The following AIRE variants were observed in gnomAD, a reference collection of about 807,000 sequenced individuals.
The protein encoded by AIRE is autoimmune polyendocrinopathy candidiasis ectodermal dystrophy protein.
In AIRE, 52 loss-of-function variants were observed where a neutral mutation model predicts 62.1. The ratio of observed to expected loss-of-function variants is 0.84; its 90% CI spans 0.67 to 1.06. The LOEUF (loss-of-function observed/expected upper bound fraction) is 1.06, where lower values mean the gene tolerates loss of function less well. AIRE is among the 50% of genes least tolerant of loss of function. The pLI, the probability that AIRE is intolerant of heterozygous loss-of-function variation, is 0.00. For synonymous variants in AIRE, 342 were observed against 321.6 expected (o/e 1.06, Z -0.68); for missense variants, 774 against 755.8 (o/e 1.02, Z -0.28).
In AIRE at chr21:44,289,985, C is replaced by A. The variant is rs2040519625; in HGVS notation, c.799-3C>A. ...CCATTGCTGACGCCCCTCTTCCTTG[C>A]AGGGTGGAGGTGAGGCTAGGCTGGG... On this transcript the variant is annotated splice_region_variant and splice_polypyrimidine_tract_variant and intron_variant, in intron 6 of 13. Transcript: ENST00000291582. 6.2e-7 allele frequency: 1 copy of A among 1,610,744 alleles called. No individual in the cohort carries two copies. The highest frequency in any genetic ancestry group is 8.5e-7 in the Non-Finnish European group (1 of 1,179,152).
rs2146376760 is a variant in AIRE, at chr21:44,287,409, C to T, written c.464-108C>T. The T allele has an allele frequency of 1.2e-6, 1 of 806,950 alleles. No individual in the cohort carries two copies. The highest frequency in any genetic ancestry group is 2.1e-6 in the Non-Finnish European group (1 of 482,110). 50.0% of individuals were successfully genotyped at this position (806,950 alleles called of 1,614,324 possible). A position where few individuals can be genotyped will look rare whatever the true frequency, so the allele number is the denominator to read the frequency against. On this transcript the variant is annotated intron_variant, in intron 3 of 13. Transcript: ENST00000291582. The surrounding 1 kb of genome is among the most constrained non-coding windows in gnomAD (Gnocchi z 4.3). ...AAACCAGAGCCCGGCAAAGGGACTA[C>T]CCAGCACTGGACCGCCCCCTCCACG...
Position 44,287,305 on chromosome 21 carries a change from GCTCC to G in AIRE, c.463+177_463+180del, listed in dbSNP as rs1382709356. ...ACCCACACACTGGACCAGCCTCTCA[GCTCC>G]CTCCTGCCTGAAGGCTGAGCTCCCC... is the stretch of plus-strand genomic sequence containing the variant. On this transcript the variant is annotated intron_variant, in intron 3 of 13. Transcript: ENST00000291582. The surrounding 1 kb of genome is among the most constrained non-coding windows in gnomAD (Gnocchi z 4.3). 1 of 811,442 alleles carries G rather than the reference GCTCC, an allele frequency of 1.2e-6. No individual in the cohort carries two copies. The highest frequency in any genetic ancestry group is 2.6e-5 in the Admixed American group (1 of 38,338). The allele number at this position is 811,442 out of a possible 1,614,324, so 50.3% of individuals were successfully genotyped here. A position where few individuals can be genotyped will look rare whatever the true frequency, so the allele number is the denominator to read the frequency against.
At chr21:44,291,276 C>A (rs1225128119) in intron 8 of AIRE, 66 bp downstream of exon 8, 1 of 1,577,840 alleles carries the variant, frequency 6.3e-7, no homozygotes, top group South Asian at 1.1e-5. Context: ...ACCCACTGAC[C>A]CTGAAGGGAA....
rs922156927 is a variant in AIRE at position 44,297,033 on chromosome 21, T to C, written c.1566+588T>C. Among the ~76,000 whole-genome samples, 6 of 152,180 alleles carry C rather than the reference T, an allele frequency of 3.9e-5. No individual in the cohort carries two copies. Among genetic ancestry groups the C allele is most frequent in the African/African-American group, 1.2e-4 (5 of 41,456 alleles). On this transcript the variant is annotated intron_variant, in intron 13 of 13. Coordinates refer to ENST00000291582, the MANE Select transcript of AIRE (RefSeq NM_000383.4). The surrounding 1 kb of genome is among the most constrained non-coding windows in gnomAD (Gnocchi z 4.8). ...GGCACCCGGGGGTCCCAGCTGACCA[T>C]GGGGCAGGGGTTCTGCCCTGTGCAG...
In AIRE at chr21:44,297,173, G is replaced by A. The variant is rs77919387; in HGVS notation, c.1567-483G>A. ...AGCTGCCCCTCTGGATGGGGTCCCC[G>A]GGTATAGCTGGAGAAATGAGCGACG... On this transcript the variant is annotated intron_variant, in intron 13 of 13. Transcript: ENST00000291582. The surrounding 1 kb of genome is among the most constrained non-coding windows in gnomAD (Gnocchi z 4.8). 3.5e-4 allele frequency among the ~76,000 whole-genome samples: 53 copies of A among 152,326 alleles called. No homozygotes were observed. Among genetic ancestry groups the A allele is most frequent in the African/African-American group, 1.2e-3 (50 of 41,576 alleles).
Position 44,293,792 on chromosome 21 carries a change from C to T in AIRE, c.1282C>T (p.Leu428=), listed in dbSNP as rs2040571465. 6.3e-7 allele frequency: 1 copy of T among 1,596,218 alleles called. No individual in the cohort carries two copies. The highest frequency in any genetic ancestry group is 8.5e-7 in the Non-Finnish European group (1 of 1,179,502). The part of the protein sequence containing the change: ...LCVGPEGQQN[L]APGARCGVCG... ...CCCGCGCTGTTGCCTCCCACAGAAC[C>T]TGGCTCCTGGTGCGCGTTGCGGGGT... is the stretch of plus-strand genomic sequence containing the variant. The change falls in exon 11 of 14, where the codon CTG becomes TTG. Residue 428 remains leucine, a synonymous_variant. Transcript: ENST00000291582.
Position 44,287,210 on chromosome 21 carries a change from A to C in AIRE, c.463+77A>C. 1.3e-6 allele frequency: 2 copies of C among 1,556,890 alleles called. No homozygotes were observed. The highest frequency in any genetic ancestry group is 1.7e-6 in the Non-Finnish European group (2 of 1,145,746). ...CCCCGGGAGCCCACGCCCCCTCCCC[A>C]CCCGGGCTCCCACCCACTGGGTGTG... is the stretch of plus-strand genomic sequence containing the variant. On this transcript the variant is annotated intron_variant, in intron 3 of 13. Transcript: ENST00000291582. This position sits in a 1 kb window ranked among gnomAD's most constrained non-coding sequence, Gnocchi z 4.3.
At chr21:44,295,450 C>G (rs1416703287) in intron 12 of AIRE, among the ~76,000 whole-genome samples, 7 of 152,198 alleles carry the variant, frequency 4.6e-5, no homozygotes, top group Non-Finnish European at 1.0e-4. Context: ...CTGTCCCCTT[C>G]CTTCTAGAAG....
At chr21:44,291,686 C>T (rs767206852) in intron 8 of AIRE, among the ~76,000 whole-genome samples, 14 of 152,142 alleles carry the variant, frequency 9.2e-5, no homozygotes, top group African/African-American at 2.7e-4. Flanking sequence ...GTTCACATCC[C>T]GGTGCTCCTT....
chr21:44,294,824 C>T (rs565299355), intron 12 of AIRE, among the ~76,000 whole-genome samples: 77 of 152,228 alleles, frequency 5.1e-4, no homozygotes, highest in African/African-American at 1.7e-3. Context: ...AGAGCGGGAG[C>T]GCCCGGCCTG....
chr21:44,292,857 A>AGCCCTCCGCCCCCACCATGCCC, intron 9 of AIRE, 136 bp from the exon 10 acceptor site: 2 of 725,758 alleles, frequency 2.8e-6, no homozygotes, highest in Non-Finnish European at 4.8e-6. Context: ...CCACCATGCC[A>AGCCCTCCGCCCCCACCATGCCC]GCCCTCCGCC....
intron 5 of AIRE, 26 bp from the exon 6 acceptor site, chr21:44,289,631 C>T (rs201491414): frequency 1.9e-6 from 3 of 1,612,534 alleles, no homozygotes; most frequent in East Asian, 2.2e-5. Flanking sequence ...GCGGGTGAGC[C>T]AGGACCAGCC....
At position 44,294,137 on chromosome 21, in the gene AIRE, C is replaced by T. The variant is rs111411199; in HGVS notation, c.1400+227C>T. On this transcript the variant is annotated intron_variant, in intron 11 of 13. Coordinates refer to ENST00000291582, the MANE Select transcript of AIRE (RefSeq NM_000383.4). ...CCACACCCTACTCCCCACCTCATAC[C>T]CTGCACCTCACCACACTCCACAGCC... Among the ~76,000 whole-genome samples the T allele has an allele frequency of 0.4, 47,969 of 118,912 alleles. 11,301 individuals carry two copies. The highest frequency in any genetic ancestry group is 0.52 in the South Asian group (1,701 of 3,284). 78.0% of individuals were successfully genotyped at this position (118,912 alleles called of 152,430 possible).
chr21:44,295,757 C>T (rs548154137), intron 12 of AIRE, among the ~76,000 whole-genome samples: 2 of 152,296 alleles, frequency 1.3e-5, no homozygotes, highest in South Asian at 2.1e-4. Context: ...GCTCTCCCAC[C>T]CCCTGGGAGC....
chr21:44,297,224 G>A lies in AIRE; in HGVS notation c.1567-432G>A, dbSNP rs1049511020. ...GGCTCACAGCCTCTCCCGGGTGGCG[G>A]TCTTATTCTGCTGGCATCGTGGGGC... On this transcript the variant is annotated intron_variant, in intron 13 of 13. Transcript: ENST00000291582. This position sits in a 1 kb window ranked among gnomAD's most constrained non-coding sequence, Gnocchi z 4.8. Among the ~76,000 whole-genome samples the A allele has an allele frequency of 2.0e-5, 3 of 152,204 alleles. No homozygotes were observed. The highest frequency in any genetic ancestry group is 2.9e-5 in the Non-Finnish European group (2 of 68,026).
Position 44,297,800 on chromosome 21 carries a change from G to A in AIRE, c.*73G>A. The A allele has an allele frequency of 6.8e-7, 1 of 1,460,316 alleles. No homozygotes were observed. The highest frequency in any genetic ancestry group is 9.5e-7 in the Non-Finnish European group (1 of 1,053,220). 90.5% of individuals were successfully genotyped at this position (1,460,316 alleles called of 1,614,324 possible). A position where few individuals can be genotyped will look rare whatever the true frequency, so the allele number is the denominator to read the frequency against. ...GACACCTCCTTCCTCAGTCCTGGAAGCCGGCCGGCTGGGATCAAGAAGGGG... is the reference window on the plus strand; with the variant it reads ...GACACCTCCTTCCTCAGTCCTGGAAACCGGCCGGCTGGGATCAAGAAGGGG... On this transcript the variant is annotated 3_prime_UTR_variant, in exon 14 of 14. Coordinates refer to ENST00000291582, the MANE Select transcript of AIRE (RefSeq NM_000383.4). This position sits in a 1 kb window ranked among gnomAD's most constrained non-coding sequence, Gnocchi z 4.8.
chr21:44,286,422 C>T lies in AIRE; in HGVS notation c.133-135C>T, dbSNP rs139163713. 98 of 1,020,730 alleles carry T rather than the reference C, an allele frequency of 9.6e-5. 1 individual carries two copies. In the Middle Eastern group the frequency reaches 9.6e-4, roughly 10 times the overall value. 63.2% of individuals were successfully genotyped at this position (1,020,730 alleles called of 1,614,324 possible). On this transcript the variant is annotated intron_variant, in intron 1 of 13. Coordinates refer to ENST00000291582, the MANE Select transcript of AIRE (RefSeq NM_000383.4). The surrounding 1 kb of genome is among the most constrained non-coding windows in gnomAD (Gnocchi z 6.0). ...ACCACCACCTGACTCCACCACAAGC[C>T]GAGGAGATGGGCGTGGAGCTGTCCA...
chr21:44,293,970 C>T (rs2040576073), intron 11 of AIRE, 60 bp downstream of exon 11: 1 of 1,554,824 alleles, frequency 6.4e-7, no homozygotes, highest in Non-Finnish European at 8.6e-7. Flanking sequence ...CACCCCACCC[C>T]ACACTCCCCA....
rs2040586118 is a variant in AIRE, at chr21:44,294,520, C to T, written c.1503+17C>T. ...CCTGCCAAGGTCAGTGCCGCAGGGGCCCTCCATGCATGCCGGTGCTGGGGG... is the reference window on the plus strand; with the variant it reads ...CCTGCCAAGGTCAGTGCCGCAGGGGTCCTCCATGCATGCCGGTGCTGGGGG... On this transcript the variant is annotated intron_variant, in intron 12 of 13. Coordinates refer to ENST00000291582, the MANE Select transcript of AIRE (RefSeq NM_000383.4). 1.5e-6 allele frequency: 2 copies of T among 1,373,082 alleles called. No homozygotes were observed. The allele number at this position is 1,373,082 out of a possible 1,614,324, so 85.1% of individuals were successfully genotyped here.
Sources: allele counts gnomAD v4.1 joint callset (sites outside exome capture counted in the v4.1 genomes callset), GRCh38; gene constraint gnomAD v4.1.1; non-coding constraint Gnocchi (gnomAD v3.1); transcripts MANE v1.5; gene names NCBI Gene and HGNC (gene_info 2026-07-23, HGNC 2026-07-21).